N4BP2: variants seen among roughly 807,000 people sequenced by gnomAD.
N4BP2 encodes the protein NEDD4-binding protein 2.
N4BP2 carries 91 observed loss-of-function variants against 152.8 expected under a neutral mutation model. The ratio of observed to expected loss-of-function variants is 0.60; its 90% CI spans 0.50 to 0.71. The LOEUF (loss-of-function observed/expected upper bound fraction) is 0.71, where lower values mean the gene tolerates loss of function less well. N4BP2 is among the 30% of genes least tolerant of loss of function. N4BP2 has a pLI of 0.00. For missense variants in N4BP2, 1,923 were observed against 2,059.1 expected (o/e 0.93, Z 1.28); for synonymous variants, 646 against 705.3 (o/e 0.92, Z 1.33).
intron 14 of N4BP2, among the ~76,000 whole-genome samples, chr4:40,139,641 G>A (rs1482037385): frequency 6.6e-6 from 1 of 151,430 alleles, no homozygotes; most frequent in Non-Finnish European, 1.5e-5. Flanking sequence ...ACAGGTGCCT[G>A]CCACCACTCC....
chr4:40,176,090 A>C, the N4BP2 span, among the ~76,000 whole-genome samples: 1 of 90,516 alleles, frequency 1.1e-5, no homozygotes, highest in Admixed American at 1.1e-4. Flanking sequence ...ACTCCGTCTC[A>C]AAAAAAAAAA....
intron 17 of N4BP2, among the ~76,000 whole-genome samples, chr4:40,153,308 A>T (rs1019286153): frequency 2.6e-5 from 4 of 152,202 alleles, no homozygotes; most frequent in Admixed American, 6.5e-5. Context: ...ATTTGCTATT[A>T]TTCTTTTGAA....
In N4BP2 at chr4:40,122,323, A is replaced by G. The variant is rs1028353635; in HGVS notation, c.4198+14A>G. ...GTATTGATTCAGGTAAGGAAAAAGT[A>G]AATGACCATGTGTGTGTCTTTGTGT... On this transcript the variant is annotated intron_variant, in intron 9 of 17. Coordinates refer to ENST00000261435, the MANE Select transcript of N4BP2 (RefSeq NM_018177.6). 6.6e-7 allele frequency: 1 copy of G among 1,511,260 alleles called. No individual in the cohort carries two copies. Among genetic ancestry groups the G allele is most frequent in the Non-Finnish European group, 9.0e-7 (1 of 1,116,310 alleles). 93.6% of individuals were successfully genotyped at this position (1,511,260 alleles called of 1,614,324 possible). A position where few individuals can be genotyped will look rare whatever the true frequency, so the allele number is the denominator to read the frequency against.
At chr4:40,153,747 T>C (rs1560652140) in intron 17 of N4BP2, among the ~76,000 whole-genome samples, 1 of 152,232 alleles carries the variant, frequency 6.6e-6, no homozygotes, top group Non-Finnish European at 1.5e-5. Flanking sequence ...CAGAACATTA[T>C]GTTGAGATTA....
At chr4:40,109,207 A>C (rs1393881132) in intron 5 of N4BP2, among the ~76,000 whole-genome samples, 1 of 152,150 alleles carries the variant, frequency 6.6e-6, no homozygotes, top group African/African-American at 2.4e-5. Flanking sequence ...TTTTTGAACT[A>C]AAGATTAAGA....
intron 6 of N4BP2, among the ~76,000 whole-genome samples, chr4:40,112,772 C>T (rs1370112388): frequency 1.3e-5 from 2 of 151,848 alleles, no homozygotes; most frequent in Non-Finnish European, 2.9e-5. Context: ...GGCGTGATCT[C>T]GGCTTACTGC....
chr4:40,062,912 C>A (rs140204091), intron 1 of N4BP2, among the ~76,000 whole-genome samples: 1 of 152,286 alleles, frequency 6.6e-6, no homozygotes, highest in Non-Finnish European at 1.5e-5. Flanking sequence ...TCTTTTATTA[C>A]ATTGTGATTG....
chr4:40,088,492 T>C (rs764815407), intron 2 of N4BP2, among the ~76,000 whole-genome samples: 5 of 149,840 alleles, frequency 3.3e-5, no homozygotes, highest in Non-Finnish European at 5.9e-5. Context: ...GTAAGTAATA[T>C]CTCATTATAG....
At chr4:40,107,984 T>A (rs1314506777) in intron 5 of N4BP2, among the ~76,000 whole-genome samples, 4 of 151,446 alleles carry the variant, frequency 2.6e-5, no homozygotes, top group African/African-American at 9.7e-5. Flanking sequence ...AGTGCAGTGG[T>A]GTGATCTCGG....
intron 14 of N4BP2, among the ~76,000 whole-genome samples, chr4:40,141,413 C>T (rs1362906193): frequency 4.5e-5 from 6 of 133,204 alleles, no homozygotes; most frequent in Non-Finnish European, 3.2e-5. Context: ...CAGACGGGGT[C>T]GCGGCCGGGT....
intron 2 of N4BP2, among the ~76,000 whole-genome samples, chr4:40,091,160 A>G (rs901957136): frequency 1.2e-4 from 19 of 152,028 alleles, no homozygotes; most frequent in African/African-American, 4.3e-4. Flanking sequence ...GATTTTATAG[A>G]TTATTTGGGA....
intron 16 of N4BP2, among the ~76,000 whole-genome samples, chr4:40,147,515 G>A (rs1445961937): frequency 7.3e-5 from 10 of 137,380 alleles, no homozygotes; most frequent in Non-Finnish European, 1.3e-4. Flanking sequence ...CCCACCTCCC[G>A]GACGGGGCGG....
At chr4:40,087,958 A>G (rs996687439) in intron 2 of N4BP2, among the ~76,000 whole-genome samples, 6 of 152,008 alleles carry the variant, frequency 3.9e-5, no homozygotes, top group Admixed American at 6.6e-5. Context: ...TGGTCTCACT[A>G]TGCTGCCCAG....
chr4:40,132,816 A>T (rs1178862798), intron 13 of N4BP2, among the ~76,000 whole-genome samples: 5 of 138,976 alleles, frequency 3.6e-5, no homozygotes, highest in African/African-American at 1.3e-4. Context: ...TCTGGAATAA[A>T]ACCTACTTTA....
the N4BP2 span, among the ~76,000 whole-genome samples, chr4:40,164,524 G>T: frequency 1.3e-3 from 201 of 152,282 alleles, no homozygotes; most frequent in Middle Eastern, 6.8e-3. Flanking sequence ...AAATAAAAAT[G>T]TTTTCTTTAT....
At chr4:40,099,619 T>C (rs1715431989) in intron 3 of N4BP2, among the ~76,000 whole-genome samples, 1 of 152,314 alleles carries the variant, frequency 6.6e-6, no homozygotes, top group East Asian at 1.9e-4. Context: ...TAAAGAGGAA[T>C]GTTGAACATT....
chr4:40,162,833 C>T (rs149733638), downstream of N4BP2, among the ~76,000 whole-genome samples: 10 of 152,266 alleles, frequency 6.6e-5, no homozygotes, highest in Admixed American at 6.5e-4. Context: ...AGCAGGAGAA[C>T]TAGGGAAGCC....
chr4:40,131,366 A>G (rs1718889261), intron 12 of N4BP2, among the ~76,000 whole-genome samples: 1 of 152,170 alleles, frequency 6.6e-6, no homozygotes, highest in Non-Finnish European at 1.5e-5. Flanking sequence ...GCATTTATAT[A>G]CTAATACTGC....
At chr4:40,117,229 T>C (rs1579064164) in intron 7 of N4BP2, among the ~76,000 whole-genome samples, 2 of 152,250 alleles carry the variant, frequency 1.3e-5, no homozygotes, top group Admixed American at 1.3e-4. Flanking sequence ...CTTTTGGCTC[T>C]GGCTCCTATG....
Sources: allele counts gnomAD v4.1 joint callset (sites outside exome capture counted in the v4.1 genomes callset), GRCh38; gene constraint gnomAD v4.1.1; transcripts MANE v1.5; gene names NCBI Gene and HGNC (gene_info 2026-07-23, HGNC 2026-07-21).